VSTM2A: variants seen among roughly 807,000 people sequenced by gnomAD.
VSTM2A encodes the protein V-set and transmembrane domain-containing protein 2A.
In VSTM2A, 13 loss-of-function variants were observed where a neutral mutation model predicts 27.3. The ratio of observed to expected loss-of-function variants is 0.48; its 90% CI spans 0.31 to 0.76. The LOEUF (loss-of-function observed/expected upper bound fraction) is 0.76, where lower values mean the gene tolerates loss of function less well. Among genes scored for constraint, VSTM2A ranks in the 30% least tolerant of loss-of-function variants. The pLI, the probability that VSTM2A is intolerant of heterozygous loss-of-function variation, is 0.05. For synonymous variants in VSTM2A, 142 were observed against 125.7 expected, an observed-to-expected ratio of 1.13 and a Z score of -0.87; for missense variants, 280 against 310.0, an observed-to-expected ratio of 0.90 and a Z score of 0.73.
intron 1 of VSTM2A, 59 bp from the exon 2 acceptor site, chr7:54,544,563 A>G (rs1787880486): frequency 1.0e-5 from 16 of 1,605,280 alleles, no homozygotes; most frequent in South Asian, 5.5e-5. Flanking sequence ...GCTCTCAAGG[A>G]AAGAGACTCA....
chr7:54,545,961 G>GAA (rs1554330358), intron 2 of VSTM2A, among the ~76,000 whole-genome samples: 1 of 87,160 alleles, frequency 1.1e-5, no homozygotes, highest in African/African-American at 4.8e-5. Context: ...GAGAGAATGA[G>GAA]GGGGAAGGGG....
intron 1 of VSTM2A, among the ~76,000 whole-genome samples, chr7:54,543,688 T>C (rs564364899): frequency 2.0e-5 from 3 of 152,252 alleles, no homozygotes; most frequent in Non-Finnish European, 4.4e-5. Flanking sequence ...GTGTGCATTG[T>C]GGTTGTGCAT....
At chr7:54,547,280 G>A (rs943327703) in intron 3 of VSTM2A, 17 of 381,032 alleles carry the variant, frequency 4.5e-5, no homozygotes, top group Non-Finnish European at 7.5e-5. Flanking sequence ...CTAACAGTAA[G>A]AGTAAATACA....
chr7:54,558,987 A>G (rs543256884), intron 4 of VSTM2A: 4 of 152,220 alleles, frequency 2.6e-5, no homozygotes, highest in African/African-American at 9.6e-5. Flanking sequence ...ACAAGGAAAT[A>G]TTTGTGTCTA....
chr7:54,567,287 G>T (rs1489067243), intron 4 of VSTM2A, among the ~76,000 whole-genome samples: 1 of 152,186 alleles, frequency 6.6e-6, no homozygotes, highest in East Asian at 1.9e-4. Context: ...GAAAACAAAA[G>T]TACTATGCTT....
At position 54,544,789 on chromosome 7, in the gene VSTM2A, G is replaced by A. The variant is rs768901767; in HGVS notation, c.246+1G>A. On this transcript the variant is annotated splice_donor_variant, in intron 2 of 4. Transcript: ENST00000402613. LOFTEE classifies it high-confidence loss of function. ...CGGGGCCGAGGGGGCCGGCGCGCAGGTAGCGGAGCCCGCCGACCCCGCGTC... is the reference window on the plus strand; with the variant it reads ...CGGGGCCGAGGGGGCCGGCGCGCAGATAGCGGAGCCCGCCGACCCCGCGTC... 3 of 1,600,112 alleles carry A rather than the reference G, an allele frequency of 1.9e-6. No homozygotes were observed. Among genetic ancestry groups the A allele is most frequent in the Non-Finnish European group, 1.7e-6 (2 of 1,173,708 alleles).
At position 54,569,444 on chromosome 7, in the gene VSTM2A, A is replaced by G; in HGVS notation, c.*225A>G. The G allele has an allele frequency of 1.4e-6, 1 of 696,786 alleles. No homozygotes were observed. The highest frequency in any genetic ancestry group is 2.3e-6 in the Non-Finnish European group (1 of 440,592). 43.2% of individuals were successfully genotyped at this position (696,786 alleles called of 1,614,324 possible). A position where few individuals can be genotyped will look rare whatever the true frequency, so the allele number is the denominator to read the frequency against. On this transcript the variant is annotated 3_prime_UTR_variant, in exon 5 of 5. Coordinates refer to ENST00000402613, the MANE Select transcript of VSTM2A (RefSeq NM_001301009.2). The stretch of plus-strand genomic sequence containing the variant: ...GGGTTGGCCTGAATGTCATCAGGAT[A>G]GGGAATATTTACTATGGATACCACT...
At position 54,546,690 on chromosome 7, in the gene VSTM2A, G is replaced by GGGACAGCGCCGGGACAGCC. The variant is rs1215284480; in HGVS notation, c.247-257_247-256insGGACAGCGCCGGGACAGCC. The GGGACAGCGCCGGGACAGCC allele has an allele frequency of 3.6e-3, 1,343 of 377,770 alleles. 5 individuals are homozygous for GGGACAGCGCCGGGACAGCC. The highest frequency in any genetic ancestry group is 7.8e-3 in the Admixed American group (148 of 19,020). 23.4% of individuals were successfully genotyped at this position (377,770 alleles called of 1,614,324 possible). On this transcript the variant is annotated intron_variant, in intron 2 of 4. Coordinates refer to ENST00000402613, the MANE Select transcript of VSTM2A (RefSeq NM_001301009.2). ...GCGGCAGGGACAGCGCCGGGACAGC[G>GGGACAGCGCCGGGACAGCC]CCGGGACAGCCCCGGGACAGCCCCG...
In VSTM2A at chr7:54,550,174, T is replaced by C. The variant is rs753179325; in HGVS notation, c.634+4T>C. ...CCCAAACAAAGTCCACAATCAGGTA[T>C]GGAAACCCATTTCGAGCCTTTTATT... is the stretch of plus-strand genomic sequence containing the variant. On this transcript the variant is annotated splice_donor_region_variant and intron_variant, in intron 4 of 4. Coordinates refer to ENST00000402613, the MANE Select transcript of VSTM2A (RefSeq NM_001301009.2). 4 of 1,590,168 alleles carry C rather than the reference T, an allele frequency of 2.5e-6. No individual in the cohort carries two copies. In the Admixed American group the frequency reaches 7.1e-5, roughly 28 times the overall value.
intron 2 of VSTM2A, among the ~76,000 whole-genome samples, chr7:54,545,207 C>G (rs1787909232): frequency 6.6e-6 from 1 of 151,888 alleles, no homozygotes; most frequent in African/African-American, 2.4e-5. Context: ...CATCTGGGAC[C>G]GCAGCCCCCA....
intron 4 of VSTM2A, among the ~76,000 whole-genome samples, chr7:54,556,223 G>A (rs1220090999): frequency 1.3e-5 from 2 of 152,222 alleles, no homozygotes. Context: ...ACTGGCTGCA[G>A]TGAAGGTGGT....
rs755452155 is a variant in VSTM2A at position 54,550,062 on chromosome 7, G to A, written c.526G>A (p.Val176Ile). The change falls in exon 4 of 5, where the codon GTC (valine) becomes ATC (isoleucine). Residue 176 changes from valine (V) to isoleucine (I), a missense_variant. Coordinates refer to ENST00000402613, the MANE Select transcript of VSTM2A (RefSeq NM_001301009.2). ...GCAGGATATGAAGCCCCGCAAGAAC[G>A]TCTCCGCAGCCATCCCCAGCAGCAT... Reference protein sequence around the residue: ...WLQDMKPRKNVSAAIPSSIHG... With the variant: ...WLQDMKPRKNISAAIPSSIHG... The A allele has an allele frequency of 1.5e-5, 24 of 1,609,110 alleles. 1 individual carries two copies. Among genetic ancestry groups the A allele is most frequent in the South Asian group, 1.1e-4 (10 of 89,990 alleles).
chr7:54,553,450 TCTC>T (rs967445473), intron 4 of VSTM2A, among the ~76,000 whole-genome samples: 3 of 152,122 alleles, frequency 2.0e-5, no homozygotes, highest in African/African-American at 7.2e-5. Flanking sequence ...TCAAACCCAC[TCTC>T]CTCTGCCCAC....
intron 4 of VSTM2A, among the ~76,000 whole-genome samples, chr7:54,553,159 G>A (rs994074373): frequency 6.6e-6 from 1 of 152,182 alleles, no homozygotes; most frequent in Non-Finnish European, 1.5e-5. Flanking sequence ...TATTTAATAC[G>A]GCTAGTCCCA....
chr7:54,543,335 C>T (rs1279264282), intron 1 of VSTM2A, among the ~76,000 whole-genome samples: 1 of 152,074 alleles, frequency 6.6e-6, no homozygotes, highest in Non-Finnish European at 1.5e-5. Context: ...GCCTGCTGAA[C>T]CCGATTGTTC....
At chr7:54,568,249 G>A (rs1370543404) in intron 4 of VSTM2A, among the ~76,000 whole-genome samples, 1 of 152,156 alleles carries the variant, frequency 6.6e-6, no homozygotes, top group East Asian at 1.9e-4. Flanking sequence ...ACATGATTTA[G>A]ATGAAGTATT....
intron 4 of VSTM2A, chr7:54,557,983 T>G (rs541501462): frequency 6.6e-6 from 1 of 152,258 alleles, no homozygotes; most frequent in South Asian, 2.1e-4. Context: ...ATGCCATTAA[T>G]TGATGATAAA....
At chr7:54,554,647 G>T (rs1231082976) in intron 4 of VSTM2A, among the ~76,000 whole-genome samples, 1 of 152,170 alleles carries the variant, frequency 6.6e-6, no homozygotes, top group East Asian at 1.9e-4. Context: ...CTTTACAGGG[G>T]CTGGCAGCAC....
At chr7:54,568,847 C>T (rs1562717414) in intron 4 of VSTM2A, among the ~76,000 whole-genome samples, 2 of 152,116 alleles carry the variant, frequency 1.3e-5, no homozygotes, top group Non-Finnish European at 2.9e-5. Context: ...GACTGAAATC[C>T]TTTGTATGTG....
Sources: allele counts gnomAD v4.1 joint callset (sites outside exome capture counted in the v4.1 genomes callset), GRCh38; gene constraint gnomAD v4.1.1; transcripts MANE v1.5; gene names NCBI Gene and HGNC (gene_info 2026-07-23, HGNC 2026-07-21).